The following MLPH variants were observed in gnomAD, a reference collection of about 807,000 sequenced individuals.
The protein encoded by MLPH is exophilin-3.
In MLPH, 51 loss-of-function variants were observed where a neutral mutation model predicts 72.1. The ratio of observed to expected loss-of-function variants is 0.71; its 90% confidence interval spans 0.56 to 0.89. The LOEUF (loss-of-function observed/expected upper bound fraction) is 0.89, where lower values mean the gene tolerates loss of function less well. Ranked by LOEUF, MLPH falls within the 40% of genes least tolerant of loss-of-function variation. MLPH has a pLI of 0.00. For synonymous variants in MLPH, 301 were observed against 310.1 expected (o/e 0.97, Z 0.31); for missense variants, 743 against 759.9 (o/e 0.98, Z 0.26).
At chr2:237,528,777 C>T (rs1020654495) in intron 8 of MLPH, among the ~76,000 whole-genome samples, 7 of 152,182 alleles carry the variant, frequency 4.6e-5, no homozygotes, top group Non-Finnish European at 8.8e-5. Flanking sequence ...TGTCCCCGGC[C>T]TCTGACAACT....
intron 8 of MLPH, chr2:237,527,786 CCCA>C (rs1295743240): frequency 2.0e-6 from 1 of 495,292 alleles, no homozygotes; most frequent in Non-Finnish European, 3.6e-6. Flanking sequence ...TGGTATACAC[CCCA>C]AAAAATTGAA....
At chr2:237,509,566 G>C (rs1004963347) in intron 2 of MLPH, among the ~76,000 whole-genome samples, 2 of 152,228 alleles carry the variant, frequency 1.3e-5, no homozygotes, top group East Asian at 3.8e-4. Context: ...TGTCAATGCA[G>C]CTTTATCTAA....
intron 7 of MLPH, 80 bp downstream of exon 7, chr2:237,525,885 A>T: frequency 7.4e-7 from 1 of 1,351,254 alleles, no homozygotes; most frequent in Non-Finnish European, 1.0e-6. Context: ...CACCACCCTG[A>T]CCTATCCAAC....
intron 8 of MLPH, among the ~76,000 whole-genome samples, chr2:237,530,206 G>C (rs1246849099): frequency 6.9e-6 from 1 of 144,224 alleles, no homozygotes; most frequent in Non-Finnish European, 1.5e-5. Context: ...ACTGGCTCAC[G>C]AGTGGGCAAC....
intron 2 of MLPH, among the ~76,000 whole-genome samples, chr2:237,496,056 G>C (rs995186844): frequency 1.3e-5 from 2 of 152,204 alleles, no homozygotes; most frequent in Admixed American, 6.5e-5. Flanking sequence ...CCCTGCGTCA[G>C]CTTTGGCGTT....
At chr2:237,532,513 G>C (rs539607521) in intron 8 of MLPH, among the ~76,000 whole-genome samples, 2 of 152,230 alleles carry the variant, frequency 1.3e-5, no homozygotes, top group African/African-American at 2.4e-5. Context: ...GTGTGTGCTC[G>C]GGCTACAGAC....
At chr2:237,530,393 A>G (rs1255658342) in intron 8 of MLPH, among the ~76,000 whole-genome samples, 2 of 152,220 alleles carry the variant, frequency 1.3e-5, no homozygotes, top group Non-Finnish European at 2.9e-5. Context: ...GAGCACCTGA[A>G]TTTCAAAAAG....
At chr2:237,525,502 C>A in intron 6 of MLPH, 99 bp from the exon 7 acceptor site, 3 of 1,229,232 alleles carry the variant, frequency 2.4e-6, no homozygotes, top group Non-Finnish European at 3.5e-6. Context: ...CAGTCAAGTG[C>A]CTGGAAAGCC....
Position 237,533,089 on chromosome 2 carries a change from C to T in MLPH, c.1021-1475C>T, listed in dbSNP as rs78598461. 2.0e-5 allele frequency among the ~76,000 whole-genome samples: 3 copies of T among 152,314 alleles called. No individual in the cohort carries two copies. In the East Asian group the frequency reaches 5.8e-4, roughly 29 times the overall value. ...CTCTAGCATCATAACCGGGAGACCA[C>T]TTGTGTTGGCTTTAACCCTAAGAAA... On this transcript the variant is annotated intron_variant, in intron 8 of 15. Transcript: ENST00000264605.
At chr2:237,526,623 G>A (rs754648775) in intron 7 of MLPH, among the ~76,000 whole-genome samples, 18 of 152,256 alleles carry the variant, frequency 1.2e-4, no homozygotes, top group East Asian at 3.9e-4. Flanking sequence ...TGAGCACGTC[G>A]ACCGGAGGCA....
chr2:237,502,004 G>A (rs1324522447), intron 2 of MLPH, among the ~76,000 whole-genome samples: 1 of 152,022 alleles, frequency 6.6e-6, no homozygotes, highest in African/African-American at 2.4e-5. Context: ...TGAAGCTTAT[G>A]TGTAGAAGAA....
At chr2:237,488,025 G>C (rs1382008001) in intron 1 of MLPH, among the ~76,000 whole-genome samples, 1 of 152,032 alleles carries the variant, frequency 6.6e-6, no homozygotes, top group African/African-American at 2.4e-5. Context: ...TGTGGGCTTC[G>C]TCCCTACTAG....
At chr2:237,522,662 G>A (rs1359450053) in intron 6 of MLPH, among the ~76,000 whole-genome samples, 2 of 152,186 alleles carry the variant, frequency 1.3e-5, no homozygotes, top group Non-Finnish European at 1.5e-5. Context: ...GTGCTGGAGC[G>A]GAGCAGGGCT....
chr2:237,528,706 AAAC>A (rs2080357192), intron 8 of MLPH, among the ~76,000 whole-genome samples: 1 of 152,112 alleles, frequency 6.6e-6, no homozygotes, highest in African/African-American at 2.4e-5. Context: ...TCTAATTCCA[AAAC>A]AACTTCACCC....
chr2:237,500,286 C>T (rs1449111766), intron 2 of MLPH, among the ~76,000 whole-genome samples: 1 of 152,094 alleles, frequency 6.6e-6, no homozygotes, highest in East Asian at 1.9e-4. Flanking sequence ...CTTGTCCAGC[C>T]CCAAGGTTTT....
At position 237,540,517 on chromosome 2, in the gene MLPH, C is replaced by T. The variant is rs2080652489; in HGVS notation, c.1274C>T (p.Pro425Leu). Residue 425 changes from proline (P) to leucine (L), a missense_variant, in exon 10 of 16, where the codon CCC becomes CTC. Transcript: ENST00000264605. The part of the protein sequence containing the change: ...PNRDKSVGPL[P>L]QADPEVGTAA... Reference sequence around the variant, plus strand: ...AGGGACAAATCAGTTGGGCCTCTCCCCCAGGCGGACCCGGAGGTAAGACTA... The same window carrying T: ...AGGGACAAATCAGTTGGGCCTCTCCTCCAGGCGGACCCGGAGGTAAGACTA... The T allele has an allele frequency of 1.2e-6, 2 of 1,611,396 alleles. No individual in the cohort carries two copies. The highest frequency in any genetic ancestry group is 1.7e-6 in the Non-Finnish European group (2 of 1,179,748).
At chr2:237,534,888 T>G (rs1173066878) in intron 9 of MLPH, among the ~76,000 whole-genome samples, 1 of 152,152 alleles carries the variant, frequency 6.6e-6, no homozygotes, top group Non-Finnish European at 1.5e-5. Context: ...AGAGAATGCT[T>G]GGAGGGCACA....
At position 237,544,359 on chromosome 2, in the gene MLPH, A is replaced by G. The variant is rs1278882539; in HGVS notation, c.1539+1700A>G. 9.1e-3 allele frequency among the ~76,000 whole-genome samples: 37 copies of G among 4,070 alleles called. 5 individuals carry two copies. The highest frequency in any genetic ancestry group is 0.019 in the Admixed American group (4 of 210). The allele number at this position is 4,070 out of a possible 152,430, so 2.7% of individuals were successfully genotyped here. Reference sequence around the variant, plus strand: ...GGGGACAGTGGTGAATGGGGACAGTAGTGAGTGGGGGACCGTGGTGAGTGG... The same window carrying G: ...GGGGACAGTGGTGAATGGGGACAGTGGTGAGTGGGGGACCGTGGTGAGTGG... On this transcript the variant is annotated intron_variant, in intron 12 of 15. Transcript: ENST00000264605.
At position 237,520,041 on chromosome 2, in the gene MLPH, C is replaced by G; in HGVS notation, c.675+12C>G. 2 of 1,613,834 alleles carry G rather than the reference C, an allele frequency of 1.2e-6. No individual in the cohort carries two copies. The highest frequency in any genetic ancestry group is 1.7e-6 in the Non-Finnish European group (2 of 1,180,004). On this transcript the variant is annotated intron_variant, in intron 6 of 15. Transcript: ENST00000264605. ...GGGACAGCCCACAGGTCAGTGGGTC[C>G]TCGTGTCTTTCCCCTGCCCCTCCCA...
Sources: gnomAD v4.1 joint callset for allele counts (sites outside exome capture counted in the v4.1 genomes callset) on GRCh38, gnomAD v4.1.1 for gene constraint, MANE v1.5 for transcripts, NCBI Gene and HGNC (gene_info 2026-07-23, HGNC 2026-07-21) for gene names.